The following C6 variants were observed in gnomAD, a reference collection of about 807,000 sequenced individuals.
The protein encoded by C6 is complement component C6.
A neutral mutation model predicts 112.9 loss-of-function variants in C6; 101 were observed. The observed-to-expected ratio is 0.89, with a 90% CI of 0.76 to 1.06. The LOEUF is 1.06. Ranked by LOEUF, C6 falls within the 50% of genes least tolerant of loss-of-function variation. The probability of loss-of-function intolerance (pLI) is 0.00; values close to 1 mark genes in which losing one functional copy is unlikely to be tolerated. For synonymous variants in C6, 431 were observed against 384.1 expected, an observed-to-expected ratio of 1.12 and a Z score of -1.43; for missense variants, 1,202 against 1,104.6, an observed-to-expected ratio of 1.09 and a Z score of -1.25.
rs561668284 is a variant in C6, at chr5:41,243,606, T to C, written c.-21+17588A>G. ...TAAGCTAGACATGACTGTTATTACTTAGTATATCCTTCGCAGAGTGTGGAT... is the reference window on the plus strand; with the variant it reads ...TAAGCTAGACATGACTGTTATTACTCAGTATATCCTTCGCAGAGTGTGGAT... On this transcript the variant is annotated intron_variant, in intron 1 of 17. Coordinates refer to the C6 transcript ENST00000263413. 1.6e-4 allele frequency among the ~76,000 whole-genome samples: 24 copies of C among 152,302 alleles called. No homozygotes were observed. In the South Asian group the frequency reaches 4.8e-3, roughly 30 times the overall value.
chr5:41,243,548 T>C (rs1328390007), intron 1 of C6, among the ~76,000 whole-genome samples: 1 of 152,234 alleles, frequency 6.6e-6, no homozygotes, highest in Non-Finnish European at 1.5e-5. Context: ...TTTTGATTTA[T>C]AAAGTTTCTT....
At chr5:41,155,303 T>C (rs1746791898) in intron 13 of C6, among the ~76,000 whole-genome samples, 199 bp from the exon 14 acceptor site, 1 of 152,160 alleles carries the variant, frequency 6.6e-6, no homozygotes, top group African/African-American at 2.4e-5. Flanking sequence ...TATTTATTCT[T>C]TCTTACTAGG....
In C6 at chr5:41,230,588, G is replaced by A. The variant is rs531926425; in HGVS notation, c.-20-27338C>T. ...GTTAAGATGTTTATCAAGACAATGT[G>A]TGCACAGCAGGACATAGACCCTCAT... On this transcript the variant is annotated intron_variant, in intron 1 of 17. Coordinates refer to the C6 transcript ENST00000263413. Among the ~76,000 whole-genome samples the A allele has an allele frequency of 1.3e-4, 20 of 152,302 alleles. No individual in the cohort carries two copies. In the South Asian group the frequency reaches 3.7e-3, roughly 28 times the overall value.
At chr5:41,215,539 G>A (rs528864817), upstream of C6, among the ~76,000 whole-genome samples, 8 of 152,278 alleles carry the variant, frequency 5.3e-5, no homozygotes, top group South Asian at 1.7e-3. Flanking sequence ...GGCACTGGCT[G>A]AGTTGCTTCA....
intron 1 of C6, among the ~76,000 whole-genome samples, chr5:41,227,273 T>C (rs545532695): frequency 1.5e-4 from 23 of 152,076 alleles, no homozygotes; most frequent in African/African-American, 1.4e-4. Flanking sequence ...AAATGTCTGT[T>C]CAGATCTTTT....
chr5:41,150,251 A>G (rs1405202317), intron 15 of C6, among the ~76,000 whole-genome samples: 1 of 152,224 alleles, frequency 6.6e-6, no homozygotes, highest in East Asian at 1.9e-4. Flanking sequence ...GATTATGTTC[A>G]GATAACTAAA....
chr5:41,163,549 G>A (rs554249677), intron 9 of C6, among the ~76,000 whole-genome samples: 2 of 152,192 alleles, frequency 1.3e-5, no homozygotes, highest in South Asian at 4.1e-4. Flanking sequence ...CTAATCTTGT[G>A]ATCTGCCTGC....
At chr5:41,258,542 T>C (rs1416691682) in intron 1 of C6, among the ~76,000 whole-genome samples, 4 of 152,212 alleles carry the variant, frequency 2.6e-5, no homozygotes, top group Non-Finnish European at 5.9e-5. Flanking sequence ...AGTGTTTTGA[T>C]GCTGTTTGAG....
At chr5:41,147,091 C>G (rs147944078) in intron 17 of C6, among the ~76,000 whole-genome samples, 143 of 152,162 alleles carry the variant, frequency 9.4e-4, no homozygotes, top group Middle Eastern at 3.4e-3. Flanking sequence ...TTTATTTTCT[C>G]TATGTATTTT....
intron 5 of C6, among the ~76,000 whole-genome samples, chr5:41,187,078 A>G (rs1749830823): frequency 1.3e-5 from 2 of 152,218 alleles, no homozygotes; most frequent in African/African-American, 4.8e-5. Flanking sequence ...CCTTAAAAAT[A>G]TAAATTGTCA....
At chr5:41,151,698 A>G (rs1746410881) in intron 15 of C6, among the ~76,000 whole-genome samples, 3 of 152,154 alleles carry the variant, frequency 2.0e-5, no homozygotes, top group Non-Finnish European at 4.4e-5. Context: ...AAAACTTGGG[A>G]AACTCCAGTG....
chr5:41,228,317 G>A (rs147643138), intron 1 of C6, among the ~76,000 whole-genome samples: 85 of 152,044 alleles, frequency 5.6e-4, no homozygotes, highest in Non-Finnish European at 1.0e-3. Flanking sequence ...TTCATATCCT[G>A]CCACTTTACC....
At position 41,202,496 on chromosome 5, in the gene C6, A is replaced by C. The variant is rs369942528; in HGVS notation, c.143+592T>G. Reference sequence around the variant, plus strand: ...GTTTTCTAAAATAAGGATCCTAAAAAATTCTCTAATGGTTAAAACACATTA... The same window carrying C: ...GTTTTCTAAAATAAGGATCCTAAAACATTCTCTAATGGTTAAAACACATTA... On this transcript the variant is annotated intron_variant, in intron 2 of 17. Coordinates refer to ENST00000337836, the MANE Select transcript of C6 (RefSeq NM_000065.5). 5.8e-4 allele frequency among the ~76,000 whole-genome samples: 88 copies of C among 152,322 alleles called. 1 individual carries two copies. Among genetic ancestry groups the C allele is most frequent in the African/African-American group, 2.1e-3 (86 of 41,574 alleles).
rs1561090314 is a variant in C6, at chr5:41,149,266, G to C, written c.2598C>G (p.Thr866=). The change falls in exon 17 of 18, where the codon ACC becomes ACG. Residue 866 remains threonine (T), a synonymous_variant. Transcript: ENST00000337836. ...STKKESCGYD[T]CYDWEKCSAS... Reference sequence around the variant, plus strand: ...CTGAACATTTTTCCCAGTCATAGCAGGTGTCATAGCCACAGGATTCTTTCT... The same window carrying C: ...CTGAACATTTTTCCCAGTCATAGCACGTGTCATAGCCACAGGATTCTTTCT... 1 of 1,613,988 alleles carries C rather than the reference G, an allele frequency of 6.2e-7. No individual in the cohort carries two copies. The highest frequency in any genetic ancestry group is 1.7e-5 in the Admixed American group (1 of 60,002).
intron 1 of C6, among the ~76,000 whole-genome samples, chr5:41,241,831 A>G (rs1740728919): frequency 6.6e-6 from 1 of 152,216 alleles, no homozygotes; most frequent in Non-Finnish European, 1.5e-5. Context: ...CTTAGTACTT[A>G]GGTAGGACAG....
At chr5:41,176,351 C>A (rs1475807396) in intron 8 of C6, 124 bp downstream of exon 8, 8 of 975,818 alleles carry the variant, frequency 8.2e-6, no homozygotes, top group Non-Finnish European at 1.2e-5. Context: ...TTCTTCATAT[C>A]ATTTTGGAAA....
chr5:41,228,342 G>A (rs181285968), intron 1 of C6, among the ~76,000 whole-genome samples: 7 of 151,832 alleles, frequency 4.6e-5, no homozygotes, highest in Non-Finnish European at 5.9e-5. Flanking sequence ...TTGTTTATTG[G>A]TTCTAATAAT....
At chr5:41,211,995 T>G (rs1160774923) in intron 1 of C6, among the ~76,000 whole-genome samples, 2 of 152,146 alleles carry the variant, frequency 1.3e-5, no homozygotes, top group Non-Finnish European at 2.9e-5. Flanking sequence ...CTGATCGCTC[T>G]TTAAGCTATA....
rs1033219348 is a variant in C6 at position 41,142,189 on chromosome 5, C to T, written c.*636G>A. The T allele has an allele frequency of 6.5e-6, 1 of 153,512 alleles. No individual in the cohort carries two copies. Among genetic ancestry groups the T allele is most frequent in the African/African-American group, 2.4e-5 (1 of 41,444 alleles). The allele number at this position is 153,512 out of a possible 1,614,324, so 9.5% of individuals were successfully genotyped here. A position where few individuals can be genotyped will look rare whatever the true frequency, so the allele number is the denominator to read the frequency against. On this transcript the variant is annotated 3_prime_UTR_variant, in exon 18 of 18. Transcript: ENST00000337836. ...ATGATAATTAAGGATGGGACTCACCCTTCCGTGTTGTATTTTCTCCAAAAC... is the reference window on the plus strand; with the variant it reads ...ATGATAATTAAGGATGGGACTCACCTTTCCGTGTTGTATTTTCTCCAAAAC...
Sources: allele counts gnomAD v4.1 joint callset (sites outside exome capture counted in the v4.1 genomes callset), GRCh38; gene constraint gnomAD v4.1.1; transcripts MANE v1.5; gene names NCBI Gene and HGNC (gene_info 2026-07-23, HGNC 2026-07-21).